PCDHA11: variants seen among roughly 807,000 people sequenced by gnomAD.
PCDHA11 encodes protocadherin alpha 11.
A neutral mutation model predicts 70.3 loss-of-function variants in PCDHA11; 61 were observed. That is an observed-to-expected ratio of 0.87 (90% confidence interval 0.71 to 1.07). The LOEUF (loss-of-function observed/expected upper bound fraction) is 1.07, where lower values mean the gene tolerates loss of function less well. Among genes scored for constraint, PCDHA11 ranks in the 50% least tolerant of loss-of-function variants. PCDHA11 has a pLI of 0.00. For missense variants in PCDHA11, 1,324 were observed against 1,237.5 expected (o/e 1.07, Z -1.05); for synonymous variants, 633 against 555.1 (o/e 1.14, Z -1.97).
intron 1 of PCDHA11, chr5:140,927,487 C>T: frequency 1.2e-6 from 2 of 1,614,142 alleles, no homozygotes; most frequent in Non-Finnish European, 1.7e-6. Context: ...GCGCGCCACC[C>T]ACCTGCTGGT....
Position 140,871,133 on chromosome 5 carries a change from C to A in PCDHA11, c.2030C>A (p.Ala677Asp), listed in dbSNP as rs1156390839. Residue 677 changes from alanine to aspartate, a missense_variant, in exon 1 of 4, where the codon GCC (alanine) becomes GAC (aspartate). Physicochemically the swap from Ala to Asp is moderately radical, Grantham distance 126. Transcript: ENST00000398640. The part of the protein sequence containing the change: ...SLVESGQAPK[A>D]SSRTLAGAAS... ...GTGGAGAGCGGACAGGCGCCAAAGG[C>A]CTCTTCCCGGACTTTGGCGGGCGCC... 29 of 1,613,274 alleles carry A rather than the reference C, an allele frequency of 1.8e-5. No homozygotes were observed. Among genetic ancestry groups the A allele is most frequent in the Non-Finnish European group, 2.5e-5 (29 of 1,179,916 alleles).
At chr5:140,967,792 A>C (rs371669028) in intron 1 of PCDHA11, 5 of 1,614,212 alleles carry the variant, frequency 3.1e-6, no homozygotes, top group Non-Finnish European at 4.2e-6. Flanking sequence ...ACCGGGGTCC[A>C]GTGCCCATGG....
intron 1 of PCDHA11, among the ~76,000 whole-genome samples, chr5:140,925,385 C>G (rs559735505): frequency 6.4e-4 from 97 of 152,144 alleles, no homozygotes; most frequent in Non-Finnish European, 1.2e-3. Context: ...AATGAGTCTC[C>G]TTTTGGCTCG....
At chr5:140,875,878 A>C (rs782804026) in intron 1 of PCDHA11, 2 of 1,614,212 alleles carry the variant, frequency 1.2e-6, no homozygotes, top group East Asian at 4.5e-5. Context: ...GTTCAGAGAA[A>C]GGGAACAAAA....
chr5:140,870,553 C>T lies in PCDHA11; in HGVS notation c.1450C>T (p.Gln484Ter). The T allele has an allele frequency of 6.2e-7, 1 of 1,614,032 alleles. No homozygotes were observed. Among genetic ancestry groups the T allele is most frequent in the East Asian group, 2.2e-5 (1 of 44,872 alleles). The change falls in exon 1 of 4, where the codon CAG (glutamine) becomes TAG (stop). Residue 484 changes from glutamine to a stop codon, truncating the protein, a stop_gained. Transcript: ENST00000398640. LOFTEE classifies it high-confidence loss of function. ...FTVSARDADA[Q>*]ENALVSYSLV... ...AGTGTCGGCGCGGGACGCGGACGCG[C>T]AGGAGAACGCGCTGGTGTCCTACTC... is the stretch of plus-strand genomic sequence containing the variant.
intron 1 of PCDHA11, among the ~76,000 whole-genome samples, chr5:140,960,324 G>A (rs2095540604): frequency 6.6e-6 from 1 of 152,168 alleles, no homozygotes; most frequent in Non-Finnish European, 1.5e-5. Context: ...AGGGTCCTGT[G>A]AGAAGTACAT....
chr5:140,881,353 G>A (rs537796043), intron 1 of PCDHA11: 1 of 985,178 alleles, frequency 1.0e-6, no homozygotes, highest in East Asian at 1.1e-4. Flanking sequence ...GCTACAATGC[G>A]TGGCTTTCGT....
chr5:140,977,925 A>T (rs782072280), intron 1 of PCDHA11, among the ~76,000 whole-genome samples: 4 of 152,152 alleles, frequency 2.6e-5, no homozygotes, highest in African/African-American at 7.2e-5. Context: ...TTTTCATTCA[A>T]CTATACCTCA....
intron 3 of PCDHA11, among the ~76,000 whole-genome samples, chr5:140,995,258 A>C (rs2097672609): frequency 6.6e-6 from 1 of 152,164 alleles, no homozygotes; most frequent in Non-Finnish European, 1.5e-5. Flanking sequence ...AGGGTACTTG[A>C]ATACAAGCCC....
rs1554177749 is a variant in PCDHA11 at position 140,883,345 on chromosome 5, C to T, written c.2391+11851C>T. The T allele has an allele frequency of 1.9e-6, 3 of 1,614,050 alleles. No homozygotes were observed. In the African/African-American group the frequency reaches 4.0e-5, roughly 22 times the overall value. On this transcript the variant is annotated intron_variant, in intron 1 of 3. Transcript: ENST00000398640. ...CCATCACTTCTTTGTCACTCCCCAT[C>T]AGAGAAGACACTCAGCCTAGCGCCA...
chr5:140,882,698 G>A (rs562320262), intron 1 of PCDHA11: 18 of 1,614,200 alleles, frequency 1.1e-5, no homozygotes, highest in Middle Eastern at 1.6e-4. Context: ...AATCATTGCA[G>A]AATCTAGACC....
Position 140,923,938 on chromosome 5 carries a change from CT to C in PCDHA11, c.2391+52450del, listed in dbSNP as rs1340709876. 2.6e-5 allele frequency among the ~76,000 whole-genome samples: 4 copies of C among 152,122 alleles called. No homozygotes were observed. In the East Asian group the frequency reaches 7.7e-4, roughly 29 times the overall value. On this transcript the variant is annotated intron_variant, in intron 1 of 3. Coordinates refer to ENST00000398640, the MANE Select transcript of PCDHA11 (RefSeq NM_018902.5). ...ATACTGTTCTCTGTATGCATTTTTC[CT>C]TTTTTCCTCACGCCCTAATCTATAC... is the stretch of plus-strand genomic sequence containing the variant.
intron 1 of PCDHA11, 40 bp from the exon 2 acceptor site, chr5:140,978,909 C>T: frequency 6.2e-7 from 1 of 1,613,660 alleles, no homozygotes; most frequent in South Asian, 1.1e-5. Context: ...AGAACATTGT[C>T]TTGTCATTTT....
intron 1 of PCDHA11, chr5:140,884,016 G>C (rs143828814): frequency 1.2e-6 from 2 of 1,613,208 alleles, no homozygotes; most frequent in Non-Finnish European, 8.5e-7. Flanking sequence ...CTGATGCCGC[G>C]GTCGGTGGGT....
In PCDHA11 at chr5:140,875,574, C is replaced by T. The variant is rs368911944; in HGVS notation, c.2391+4080C>T. On this transcript the variant is annotated intron_variant, in intron 1 of 3. Coordinates refer to ENST00000398640, the MANE Select transcript of PCDHA11 (RefSeq NM_018902.5). ...TGGGGAGCGGCCAGCTCCACTACTC[C>T]GTCTACGAGGAGGCCAAACACGGCA... 7 of 1,613,978 alleles carry T rather than the reference C, an allele frequency of 4.3e-6. No homozygotes were observed. The African/African-American group carries it at 9.3e-5, about 22-fold the overall frequency.
At chr5:140,990,537 A>G (rs2097398813) in intron 3 of PCDHA11, among the ~76,000 whole-genome samples, 1 of 152,192 alleles carries the variant, frequency 6.6e-6, no homozygotes, top group Non-Finnish European at 1.5e-5. Flanking sequence ...TGTGCATCAT[A>G]GATACTGTAT....
At chr5:140,969,606 C>T (rs2096345912) in intron 1 of PCDHA11, 1 of 758,598 alleles carries the variant, frequency 1.3e-6, no homozygotes, top group South Asian at 2.1e-5. Context: ...AATGCTAAAA[C>T]ACAGATTTGT....
intron 1 of PCDHA11, among the ~76,000 whole-genome samples, chr5:140,911,106 G>T (rs192768876): frequency 6.6e-6 from 1 of 152,214 alleles, no homozygotes; most frequent in Non-Finnish European, 1.5e-5. Flanking sequence ...TGCCTCAGGG[G>T]AAGCCATCAC....
At chr5:140,977,096 G>A (rs1401413424) in intron 1 of PCDHA11, among the ~76,000 whole-genome samples, 1 of 152,182 alleles carries the variant, frequency 6.6e-6, no homozygotes, top group East Asian at 1.9e-4. Flanking sequence ...TGTGTCATTG[G>A]GGAAGTGAGA....
Sources: gnomAD v4.1 joint callset for allele counts (sites outside exome capture counted in the v4.1 genomes callset) on GRCh38, gnomAD v4.1.1 for gene constraint, MANE v1.5 for transcripts, NCBI Gene and HGNC (gene_info 2026-07-23, HGNC 2026-07-21) for gene names.